FOXP2: variants seen among roughly 807,000 people sequenced by gnomAD.
FOXP2 encodes the protein forkhead box protein P2.
In FOXP2, 12 loss-of-function variants were observed where a neutral mutation model predicts 115.8. The observed-to-expected ratio is 0.10, with a 90% confidence interval of 0.07 to 0.17. The LOEUF (loss-of-function observed/expected upper bound fraction) is 0.17, where lower values mean the gene tolerates loss of function less well. Ranked by LOEUF, FOXP2 falls within the 10% of genes least tolerant of loss-of-function variation. The pLI, the probability that FOXP2 is intolerant of heterozygous loss-of-function variation, is 1.00. For missense variants in FOXP2, 629 were observed against 843.5 expected (o/e 0.75, Z 3.15); for synonymous variants, 328 against 297.7 (o/e 1.10, Z -1.05).
chr7:114,418,707 CT>C (rs776431762), intron 1 of FOXP2, among the ~76,000 whole-genome samples: 2 of 151,336 alleles, frequency 1.3e-5, no homozygotes, highest in East Asian at 3.9e-4. Context: ...AGGTCAATGG[CT>C]TTTTTTTATG....
At chr7:114,160,066 G>C (rs1222068088), upstream of FOXP2, among the ~76,000 whole-genome samples, 2 of 152,154 alleles carry the variant, frequency 1.3e-5, no homozygotes, top group Non-Finnish European at 2.9e-5. Context: ...CCGGGGATCT[G>C]AAGACCTACA....
chr7:114,170,001 A>G lies in FOXP2; in HGVS notation c.-102+6913A>G, dbSNP rs1793095837. 2.0e-5 allele frequency among the ~76,000 whole-genome samples: 3 copies of G among 152,182 alleles called. No individual in the cohort carries two copies. The South Asian group carries it at 6.2e-4, about 32-fold the overall frequency. On this transcript the variant is annotated intron_variant, in intron 1 of 17. Coordinates refer to the FOXP2 transcript ENST00000634411. ...CCATGTGAAACTATAAGTCCATTTA[A>G]CTTCTTTCTTTTGTAAATCGCCCTG...
intron 3 of FOXP2, among the ~76,000 whole-genome samples, chr7:114,577,232 T>A (rs753902996): frequency 4.6e-5 from 7 of 151,936 alleles, no homozygotes; most frequent in Admixed American, 6.6e-5. Flanking sequence ...GGATGTCAGG[T>A]TAAGCAGCAC....
At chr7:114,676,075 ATTTTTTTTTT>A (rs11327459) in intron 16 of FOXP2, among the ~76,000 whole-genome samples, 51 of 89,562 alleles carry the variant, frequency 5.7e-4, no homozygotes, top group African/African-American at 1.8e-3. Context: ...AGGCCCGGCT[ATTTTTTTTTT>A]TTTTTTTTTT....
intron 16 of FOXP2, among the ~76,000 whole-genome samples, chr7:114,672,494 A>G (rs1019458824): frequency 1.3e-5 from 2 of 152,102 alleles, no homozygotes; most frequent in African/African-American, 4.8e-5. Context: ...CTGAGGCAGG[A>G]GAATCGCTTG....
At chr7:114,571,692 A>G (rs1801311631) in intron 3 of FOXP2, among the ~76,000 whole-genome samples, 3 of 152,014 alleles carry the variant, frequency 2.0e-5, no homozygotes, top group African/African-American at 7.2e-5. Flanking sequence ...ACAACTGTTT[A>G]TACAGCATTT....
chr7:114,435,745 G>A (rs553314694), intron 2 of FOXP2, among the ~76,000 whole-genome samples: 156 of 152,184 alleles, frequency 1.0e-3, no homozygotes, highest in African/African-American at 3.7e-3. Flanking sequence ...CACCATGTTG[G>A]CCAGGCTTGT....
intron 2 of FOXP2, among the ~76,000 whole-genome samples, chr7:114,513,014 G>A (rs965722813): frequency 1.2e-4 from 18 of 152,148 alleles, no homozygotes; most frequent in African/African-American, 3.6e-4. Context: ...CCCGGGAGGC[G>A]GAGGCTGCAG....
At chr7:114,493,110 A>G (rs551649937) in intron 2 of FOXP2, among the ~76,000 whole-genome samples, 3 of 152,164 alleles carry the variant, frequency 2.0e-5, no homozygotes, top group Non-Finnish European at 4.4e-5. Flanking sequence ...GGGTGCGTAT[A>G]CATTTAGGAC....
rs145500210 is a variant in FOXP2 at position 114,132,541 on chromosome 7, T to TTG, written c.-246-30362_-246-30361dup. Among the ~76,000 whole-genome samples, 266 of 90,656 alleles carry TTG rather than the reference T, an allele frequency of 2.9e-3. 4 individuals are homozygous for TTG. The highest frequency in any genetic ancestry group is 7.0e-3 in the African/African-American group (133 of 18,900). The allele number at this position is 90,656 out of a possible 152,430, so 59.5% of individuals were successfully genotyped here. On this transcript the variant is annotated intron_variant, in intron 1 of 19. Transcript: ENST00000635638. ...AGAAAAATAAAATAGAAAAGATAAA[T>TTG]TGTGTGTGTGTGTGTGTGTGTGTGT...
At chr7:114,653,823 AATC>A in intron 9 of FOXP2, 100 bp from the exon 10 acceptor site, 1 of 1,240,210 alleles carries the variant, frequency 8.1e-7, no homozygotes, top group East Asian at 2.3e-5. Flanking sequence ...TACATGCAGG[AATC>A]ATTATTCTGA....
intron 1 of FOXP2, among the ~76,000 whole-genome samples, chr7:114,128,021 G>A (rs1056778609): frequency 6.6e-6 from 1 of 152,190 alleles, no homozygotes; most frequent in African/African-American, 2.4e-5. Flanking sequence ...AAAACCAATA[G>A]TTCATGACAT....
intron 3 of FOXP2, among the ~76,000 whole-genome samples, chr7:114,622,387 G>A (rs1584960654): frequency 1.3e-5 from 2 of 151,888 alleles, no homozygotes; most frequent in Admixed American, 1.3e-4. Flanking sequence ...GAATGTGTGT[G>A]TAAAATTAAA....
chr7:114,390,522 G>GTATTTATGTATTTATTTATT (rs144084916), intron 2 of FOXP2, among the ~76,000 whole-genome samples: 2,542 of 148,348 alleles, frequency 0.017, 45 homozygotes, highest in East Asian at 0.073. Context: ...TTTTATTTAT[G>GTATTTATGTATTTATTTATT]TATTTATTTA....
chr7:114,384,058 G>A (rs1792379294), intron 2 of FOXP2, among the ~76,000 whole-genome samples: 1 of 151,946 alleles, frequency 6.6e-6, no homozygotes, highest in African/African-American at 2.4e-5. Context: ...GTGCTCAGAG[G>A]TGAGTTCCTT....
At chr7:114,437,490 C>T (rs372900410) in intron 2 of FOXP2, among the ~76,000 whole-genome samples, 4 of 152,046 alleles carry the variant, frequency 2.6e-5, no homozygotes, top group African/African-American at 4.8e-5. Context: ...GCAGTACTTC[C>T]GTGAAGTCTT....
intron 2 of FOXP2, among the ~76,000 whole-genome samples, chr7:114,520,543 CTT>C (rs1292433733): frequency 6.6e-6 from 1 of 151,812 alleles, no homozygotes; most frequent in Non-Finnish European, 1.5e-5. Context: ...ATTTGATAGA[CTT>C]AATAAAGGAG....
chr7:114,383,403 G>A (rs185302521), intron 2 of FOXP2, among the ~76,000 whole-genome samples: 51 of 152,166 alleles, frequency 3.4e-4, no homozygotes, highest in Middle Eastern at 3.4e-3. Flanking sequence ...CTTTTGGACC[G>A]TTTGGGTTGA....
At chr7:114,218,681 A>G (rs1260584117) in intron 1 of FOXP2, among the ~76,000 whole-genome samples, 3 of 152,216 alleles carry the variant, frequency 2.0e-5, no homozygotes, top group African/African-American at 7.2e-5. Flanking sequence ...AAGTCCAATG[A>G]GTGTCAAGCA....
Sources: allele counts gnomAD v4.1 joint callset (sites outside exome capture counted in the v4.1 genomes callset), GRCh38; gene constraint gnomAD v4.1.1; transcripts MANE v1.5; gene names NCBI Gene and HGNC (gene_info 2026-07-23, HGNC 2026-07-21).